Variants in UGT2A1 observed in about 807,000 individuals in gnomAD.
UGT2A1 encodes the protein UDP-glucuronosyltransferase 2A1.
A neutral mutation model predicts 45.4 loss-of-function variants in UGT2A1; 61 were observed. The ratio of observed to expected loss-of-function variants is 1.34; its 90% CI spans 1.09 to 1.66. The LOEUF (loss-of-function observed/expected upper bound fraction) is 1.66. Among genes scored for constraint, UGT2A1 ranks in the 40% most tolerant of loss-of-function variants. UGT2A1 has a pLI of 0.00. For synonymous variants in UGT2A1, 229 were observed against 196.2 expected, an observed-to-expected ratio of 1.17 and a Z score of -1.40; for missense variants, 649 against 574.3, an observed-to-expected ratio of 1.13 and a Z score of -1.33.
chr4:69,642,980 G>A (rs1310555168), intron 2 of UGT2A1, among the ~76,000 whole-genome samples: 2 of 151,078 alleles, frequency 1.3e-5, no homozygotes, highest in Non-Finnish European at 3.0e-5. Flanking sequence ...GAAATACCTG[G>A]TTCCATTTTT....
chr4:69,594,407 A>T, intron 6 of UGT2A1, 70 bp downstream of exon 6: 1 of 1,555,618 alleles, frequency 6.4e-7, no homozygotes, highest in Non-Finnish European at 8.7e-7. Flanking sequence ...GTATAAAAGA[A>T]TGTACATTTT....
At chr4:69,640,894 C>T (rs1053329830) in intron 2 of UGT2A1, among the ~76,000 whole-genome samples, 7 of 151,696 alleles carry the variant, frequency 4.6e-5, no homozygotes, top group African/African-American at 1.7e-4. Flanking sequence ...TCTTAATGGT[C>T]TTCAAAATAA....
At chr4:69,598,470 C>A (rs1719065362) in intron 4 of UGT2A1, among the ~76,000 whole-genome samples, 1 of 152,040 alleles carries the variant, frequency 6.6e-6, no homozygotes, top group African/African-American at 2.4e-5. Flanking sequence ...TTGTAGCATA[C>A]AATTTCCTTC....
At position 69,644,680 on chromosome 4, in the gene UGT2A1, A is replaced by C. The variant is rs2109976474; in HGVS notation, c.715+2250T>G. Among the ~76,000 whole-genome samples, 4 of 151,544 alleles carry C rather than the reference A, an allele frequency of 2.6e-5. 1 individual carries two copies. In the South Asian group the frequency reaches 8.3e-4, roughly 31 times the overall value. Reference sequence around the variant, plus strand: ...GCAAGGCTTGTATTCTCTGAATGACAGAATAGCTAGCTCTTCTTTTACATC... The same window carrying C: ...GCAAGGCTTGTATTCTCTGAATGACCGAATAGCTAGCTCTTCTTTTACATC... On this transcript the variant is annotated intron_variant, in intron 2 of 6. Transcript: ENST00000286604.
At chr4:69,601,361 T>C (rs1341879856) in intron 3 of UGT2A1, among the ~76,000 whole-genome samples, 1 of 152,084 alleles carries the variant, frequency 6.6e-6, no homozygotes, top group Non-Finnish European at 1.5e-5. Context: ...GACAGAGAAT[T>C]TGGGGAGCTC....
rs577832842 is a variant in UGT2A1 at position 69,590,911 on chromosome 4, T to A, written c.1305-1260A>T. On this transcript the variant is annotated intron_variant, in intron 6 of 6. Transcript: ENST00000286604. ...TGAATAATTAAATTACAATGGTCTATTCAAATGTAATTGTTAATGTTTATT... is the reference window on the plus strand; with the variant it reads ...TGAATAATTAAATTACAATGGTCTAATCAAATGTAATTGTTAATGTTTATT... Among the ~76,000 whole-genome samples, 10 of 152,326 alleles carry A rather than the reference T, an allele frequency of 6.6e-5. No homozygotes were observed. The South Asian group carries it at 2.1e-3, about 32-fold the overall frequency.
chr4:69,604,424 T>C (rs1343140585), intron 3 of UGT2A1, among the ~76,000 whole-genome samples: 1 of 136,614 alleles, frequency 7.3e-6, no homozygotes, highest in Non-Finnish European at 1.6e-5. Flanking sequence ...AAGGAAGCAC[T>C]AAACATAGAA....
intron 3 of UGT2A1, among the ~76,000 whole-genome samples, chr4:69,600,165 G>A (rs1411907954): frequency 2.0e-5 from 3 of 152,174 alleles, no homozygotes; most frequent in Admixed American, 6.5e-5. Flanking sequence ...CTGCCTCTGG[G>A]ATATATACAC....
chr4:69,652,920 T>C (rs920947594), intron 1 of UGT2A1, among the ~76,000 whole-genome samples: 1 of 152,210 alleles, frequency 6.6e-6, no homozygotes, highest in African/African-American at 2.4e-5. Context: ...AAGAGGACTT[T>C]GAGTTCACAC....
rs1185485977 is a variant in UGT2A1, at chr4:69,635,675, C to T, written c.847+16G>A. 3.8e-6 allele frequency: 1 copy of T among 265,760 alleles called. No individual in the cohort carries two copies. The highest frequency in any genetic ancestry group is 5.2e-5 in the Admixed American group (1 of 19,392). The allele number at this position is 265,760 out of a possible 1,614,324, so 16.5% of individuals were successfully genotyped here. ...TGAAACCTCGTCTCTATTAAAAATACAAAAATTAGCCTGACCTGCTGGCAG... is the reference window on the plus strand; with the variant it reads ...TGAAACCTCGTCTCTATTAAAAATATAAAAATTAGCCTGACCTGCTGGCAG... On this transcript the variant is annotated intron_variant, in intron 3 of 6. Transcript: ENST00000286604.
At chr4:69,596,104 A>G (rs1312775180) in intron 4 of UGT2A1, 1 of 1,201,530 alleles carries the variant, frequency 8.3e-7, no homozygotes, top group Non-Finnish European at 1.1e-6. Flanking sequence ...CACAATTTTA[A>G]TATATTACAC....
At chr4:69,598,433 C>A (rs1577949295) in intron 4 of UGT2A1, among the ~76,000 whole-genome samples, 3 of 151,994 alleles carry the variant, frequency 2.0e-5, no homozygotes, top group African/African-American at 7.2e-5. Flanking sequence ...TTCTTATATT[C>A]CACATTTCTT....
chr4:69,645,979 C>A (rs187782109), intron 2 of UGT2A1, among the ~76,000 whole-genome samples: 1 of 151,828 alleles, frequency 6.6e-6, no homozygotes, highest in Non-Finnish European at 1.5e-5. Context: ...TATCCTTATG[C>A]ATTATCTGAA....
chr4:69,593,742 T>C (rs113764895), intron 6 of UGT2A1, among the ~76,000 whole-genome samples: 2 of 151,848 alleles, frequency 1.3e-5, no homozygotes, highest in African/African-American at 2.4e-5. Flanking sequence ...TGTATACATA[T>C]ACTAATTAAA....
chr4:69,620,803 A>G (rs986593420), intron 3 of UGT2A1, among the ~76,000 whole-genome samples: 1 of 151,940 alleles, frequency 6.6e-6, no homozygotes, highest in African/African-American at 2.4e-5. Flanking sequence ...AACATAGACA[A>G]AGGAAACAGA....
intron 2 of UGT2A1, among the ~76,000 whole-genome samples, chr4:69,637,245 C>T (rs1458796436): frequency 1.3e-5 from 2 of 151,956 alleles, no homozygotes; most frequent in Non-Finnish European, 2.9e-5. Flanking sequence ...ATAGCATCTT[C>T]AAAAATAAAC....
intron 2 of UGT2A1, among the ~76,000 whole-genome samples, chr4:69,641,317 T>G (rs1722038511): frequency 6.6e-6 from 1 of 151,928 alleles, no homozygotes; most frequent in South Asian, 2.1e-4. Flanking sequence ...AAACAACATT[T>G]TGTTTAGTAA....
chr4:69,641,478 A>G (rs969296459), intron 2 of UGT2A1, among the ~76,000 whole-genome samples: 3 of 151,712 alleles, frequency 2.0e-5, no homozygotes, highest in African/African-American at 7.3e-5. Context: ...CTAGGATTCA[A>G]CTCTGCTGGC....
intron 4 of UGT2A1, 129 bp downstream of exon 4, chr4:69,599,117 G>C (rs1298234225): frequency 1.5e-6 from 2 of 1,358,244 alleles, no homozygotes; most frequent in African/African-American, 3.0e-5. Context: ...CTATCACAAG[G>C]AAAATAGATG....
Sources: gnomAD v4.1 joint callset for allele counts (sites outside exome capture counted in the v4.1 genomes callset) on GRCh38, gnomAD v4.1.1 for gene constraint, MANE v1.5 for transcripts, NCBI Gene and HGNC (gene_info 2026-07-23, HGNC 2026-07-21) for gene names.